Variants in ALDH1L1 observed in about 807,000 individuals in gnomAD.
ALDH1L1 encodes aldehyde dehydrogenase 1 family member L1.
Under a neutral mutation model 101.1 loss-of-function variants are expected in ALDH1L1, and 68 were observed. The ratio of observed to expected loss-of-function variants is 0.67; its 90% CI spans 0.55 to 0.82. The LOEUF is 0.82. Ranked by LOEUF, ALDH1L1 falls within the 40% of genes least tolerant of loss-of-function variation. The pLI, the probability that ALDH1L1 is intolerant of heterozygous loss-of-function variation, is 0.00. For synonymous variants in ALDH1L1, 486 were observed against 470.8 expected (o/e 1.03, Z -0.42); for missense variants, 1,087 against 1,172.7 (o/e 0.93, Z 1.07).
At chr3:126,180,801 G>A (rs2081463355), upstream of ALDH1L1, 2 of 1,516,874 alleles carry the variant, frequency 1.3e-6, no homozygotes, top group Admixed American at 2.0e-5. Flanking sequence ...AAGACTTACT[G>A]TGGACCCTTG....
At chr3:126,159,523 G>A (rs751092261) in intron 2 of ALDH1L1, 6 of 456,614 alleles carry the variant, frequency 1.3e-5, no homozygotes, top group Non-Finnish European at 2.6e-5. Context: ...TGACTGGACT[G>A]GCTCTCCTCT....
intron 8 of ALDH1L1, among the ~76,000 whole-genome samples, chr3:126,148,540 T>G (rs947306332): frequency 2.1e-4 from 32 of 152,066 alleles, no homozygotes; most frequent in African/African-American, 7.2e-4. Context: ...GGAGGCCGAG[T>G]GCAGCTGTGA....
chr3:126,134,392 G>A (rs1490205460), intron 12 of ALDH1L1, among the ~76,000 whole-genome samples: 1 of 152,218 alleles, frequency 6.6e-6, no homozygotes, highest in African/African-American at 2.4e-5. Context: ...TCCACCAAAC[G>A]CGCACGCAGG....
At chr3:126,130,046 T>C in intron 14 of ALDH1L1, 177 bp downstream of exon 14, 1 of 526,614 alleles carries the variant, frequency 1.9e-6, no homozygotes. Context: ...TTAAATACAA[T>C]TGTCCTCAAG....
rs1945897052 is a variant in ALDH1L1 at position 126,106,989 on chromosome 3, C to T, written c.2453+152G>A. The T allele has an allele frequency of 4.5e-6, 3 of 666,990 alleles. No homozygotes were observed. In the South Asian group the frequency reaches 5.3e-5, roughly 12 times the overall value. 41.3% of individuals were successfully genotyped at this position (666,990 alleles called of 1,614,324 possible). A position where few individuals can be genotyped will look rare whatever the true frequency, so the allele number is the denominator to read the frequency against. On this transcript the variant is annotated intron_variant, in intron 21 of 22. Coordinates refer to ENST00000393434, the MANE Select transcript of ALDH1L1 (RefSeq NM_012190.4). ...CTCTCTTCTCAGGGGTGTGGAGACT[C>T]AGCAGGCGGCACAAGCGGGGTGTCC...
chr3:126,160,780 A>T (rs2108302499), intron 2 of ALDH1L1, 73 bp downstream of exon 2: 1 of 1,576,968 alleles, frequency 6.3e-7, no homozygotes, highest in East Asian at 2.2e-5. Context: ...CCAGACTCCC[A>T]CCTACTGCTT....
rs1305807482 is a variant in ALDH1L1, at chr3:126,153,593, A to G, written c.721-12T>C. 3.1e-6 allele frequency: 5 copies of G among 1,607,786 alleles called. No homozygotes were observed. The Admixed American group carries it at 6.7e-5, about 22-fold the overall frequency. Reference sequence around the variant, plus strand: ...AAAAATGTCAGTTTCTGTCAAGGGGAGAAATATCAGAAGATGGTGGGTGAG... The same window carrying G: ...AAAAATGTCAGTTTCTGTCAAGGGGGGAAATATCAGAAGATGGTGGGTGAG... On this transcript the variant is annotated splice_polypyrimidine_tract_variant and intron_variant, in intron 6 of 22. Coordinates refer to ENST00000393434, the MANE Select transcript of ALDH1L1 (RefSeq NM_012190.4).
intron 4 of ALDH1L1, chr3:126,155,814 T>C (rs1470440356): frequency 4.3e-5 from 9 of 207,888 alleles, no homozygotes; most frequent in Non-Finnish European, 7.6e-5. Flanking sequence ...CAAATGTCCA[T>C]GTTGCTGTCT....
chr3:126,103,901 G>C, intron 22 of ALDH1L1, 55 bp from the exon 23 acceptor site: 1 of 1,582,582 alleles, frequency 6.3e-7, no homozygotes, highest in Non-Finnish European at 8.6e-7. Flanking sequence ...GGCACTGCTC[G>C]GGGCTGCAAG....
At chr3:126,103,943 G>T in intron 22 of ALDH1L1, 97 bp from the exon 23 acceptor site, 1 of 1,379,290 alleles carries the variant, frequency 7.3e-7, no homozygotes, top group Non-Finnish European at 1.0e-6. Flanking sequence ...CGTGGGGGCA[G>T]CTCTGGCTCA....
At chr3:126,114,459 C>G (rs1335341451) in intron 18 of ALDH1L1, 98 bp downstream of exon 18, 1 of 991,866 alleles carries the variant, frequency 1.0e-6, no homozygotes. Context: ...CAGGGCTACA[C>G]GTGTGAGTGT....
chr3:126,180,992 A>G, upstream of ALDH1L1: 1 of 1,609,314 alleles, frequency 6.2e-7, no homozygotes, highest in Non-Finnish European at 8.5e-7. Flanking sequence ...AGCAGAGCGA[A>G]AGGAGACGCT....
chr3:126,115,091 GC>G (rs761998718), intron 17 of ALDH1L1: 22 of 457,338 alleles, frequency 4.8e-5, no homozygotes, highest in Non-Finnish European at 9.7e-5. Flanking sequence ...TCCTATTACA[GC>G]CCCGGTGCCA....
intron 14 of ALDH1L1, chr3:126,128,383 A>G (rs2080230169): frequency 6.6e-6 from 1 of 152,070 alleles, no homozygotes; most frequent in African/African-American, 2.4e-5. Context: ...CCATCCAAAC[A>G]ACTCAGTGAG....
chr3:126,146,542 CT>C lies in ALDH1L1; in HGVS notation c.1076+292del, dbSNP rs2080686232. ...GCACAATACATAACCCTAATTCTCC[CT>C]ATGAACTCAGTACTGTTCTTCTGAA... On this transcript the variant is annotated intron_variant, in intron 9 of 22. Coordinates refer to ENST00000393434, the MANE Select transcript of ALDH1L1 (RefSeq NM_012190.4). 9.2e-5 allele frequency among the ~76,000 whole-genome samples: 14 copies of C among 152,328 alleles called. No homozygotes were observed. In the South Asian group the frequency reaches 2.9e-3, roughly 32 times the overall value.
At chr3:126,113,914 G>T (rs1278018821) in intron 18 of ALDH1L1, among the ~76,000 whole-genome samples, 1 of 152,220 alleles carries the variant, frequency 6.6e-6, no homozygotes, top group Non-Finnish European at 1.5e-5. Flanking sequence ...CACCCGGGAG[G>T]TGGGTATCAC....
chr3:126,130,715 G>T (rs2080283633), intron 13 of ALDH1L1, among the ~76,000 whole-genome samples: 1 of 152,222 alleles, frequency 6.6e-6, no homozygotes, highest in South Asian at 2.1e-4. Flanking sequence ...TCGCTGTCAT[G>T]CCCTGGTGGA....
chr3:126,179,216 G>A (rs903433104), intron 1 of ALDH1L1, among the ~76,000 whole-genome samples: 1 of 152,258 alleles, frequency 6.6e-6, no homozygotes, highest in African/African-American at 2.4e-5. Context: ...GTGGTGTGGG[G>A]ACACTGGGAG....
rs4646711 is a variant in ALDH1L1 at position 126,153,630 on chromosome 3, G to A, written c.721-49C>T. The A allele has an allele frequency of 2.6e-4, 407 of 1,581,822 alleles. 4 individuals carry two copies. The East Asian group carries it at 7.7e-3, about 30-fold the overall frequency. The stretch of plus-strand genomic sequence containing the variant: ...AGATGGTGGGTGAGAAGAAGCCCCC[G>A]AAGCCAGTAGCCCAGGCAGGTCTGA... On this transcript the variant is annotated intron_variant, in intron 6 of 22. Transcript: ENST00000393434.
Sources: gnomAD v4.1 joint callset for allele counts (sites outside exome capture counted in the v4.1 genomes callset) on GRCh38, gnomAD v4.1.1 for gene constraint, MANE v1.5 for transcripts, NCBI Gene and HGNC (gene_info 2026-07-23, HGNC 2026-07-21) for gene names.